AKT3: variants seen among roughly 807,000 people sequenced by gnomAD.
AKT3 encodes AKT serine/threonine kinase 3, also known as RAC-gamma serine/threonine-protein kinase.
A neutral mutation model predicts 65.3 loss-of-function variants in AKT3; 15 were observed. That is an observed-to-expected ratio of 0.23 (90% CI 0.15 to 0.35). The LOEUF (loss-of-function observed/expected upper bound fraction) is 0.35, where lower values mean the gene tolerates loss of function less well. Among genes scored for constraint, AKT3 ranks in the 10% least tolerant of loss-of-function variants. The pLI is 1.00. For synonymous variants in AKT3, 206 were observed against 183.8 expected, an observed-to-expected ratio of 1.12 and a Z score of -0.98; for missense variants, 243 against 576.5, an observed-to-expected ratio of 0.42 and a Z score of 5.92.
intron 2 of AKT3, among the ~76,000 whole-genome samples, chr1:243,715,937 G>A (rs1391519250): frequency 6.6e-6 from 1 of 152,002 alleles, no homozygotes; most frequent in African/African-American, 2.4e-5. Flanking sequence ...AATAATGATG[G>A]CTTTGTCCAG....
At chr1:243,725,493 C>A (rs957151365) in intron 2 of AKT3, among the ~76,000 whole-genome samples, 7 of 152,150 alleles carry the variant, frequency 4.6e-5, no homozygotes, top group African/African-American at 1.7e-4. Context: ...AATAACAGAA[C>A]AGAACTCAGC....
chr1:243,620,157 T>C (rs1431073673), intron 6 of AKT3, among the ~76,000 whole-genome samples: 3 of 97,340 alleles, frequency 3.1e-5, no homozygotes, highest in African/African-American at 7.9e-5. Flanking sequence ...AGTGAATTCT[T>C]AGGAGCTCTG....
At chr1:243,613,812 G>C (rs1678076384) in intron 7 of AKT3, 73 bp from the exon 8 acceptor site, 3 of 888,682 alleles carry the variant, frequency 3.4e-6, no homozygotes, top group Non-Finnish European at 4.9e-6. Context: ...ACTAAAAATA[G>C]AACACATAGA....
At chr1:243,616,663 GA>G (rs1678348970) in intron 6 of AKT3, among the ~76,000 whole-genome samples, 1 of 152,102 alleles carries the variant, frequency 6.6e-6, no homozygotes, top group Non-Finnish European at 1.5e-5. Flanking sequence ...AGAAAGACAT[GA>G]AAAGCAAAAC....
At chr1:243,748,784 A>C (rs1688629835) in intron 2 of AKT3, among the ~76,000 whole-genome samples, 1 of 152,180 alleles carries the variant, frequency 6.6e-6, no homozygotes, top group African/African-American at 2.4e-5. Context: ...ATTGATCTGC[A>C]TAGGCTATTA....
At chr1:243,807,120 G>A (rs1043682851) in intron 2 of AKT3, among the ~76,000 whole-genome samples, 2 of 152,150 alleles carry the variant, frequency 1.3e-5, no homozygotes, top group African/African-American at 4.8e-5. Context: ...CACAGAAGAC[G>A]GGTGATTTCT....
At chr1:243,571,130 A>G (rs1234379290) in intron 9 of AKT3, among the ~76,000 whole-genome samples, 2 of 152,186 alleles carry the variant, frequency 1.3e-5, no homozygotes, top group Non-Finnish European at 2.9e-5. Context: ...TATCCTGGCC[A>G]ACTCCGTGAA....
At chr1:243,691,623 A>C (rs944355482) in intron 3 of AKT3, among the ~76,000 whole-genome samples, 2 of 152,220 alleles carry the variant, frequency 1.3e-5, no homozygotes, top group African/African-American at 2.4e-5. Context: ...GGAGAAAAAA[A>C]AGGCATGGAA....
chr1:243,641,574 C>G (rs1360058762), intron 5 of AKT3, among the ~76,000 whole-genome samples: 1 of 151,778 alleles, frequency 6.6e-6, no homozygotes, highest in East Asian at 1.9e-4. Flanking sequence ...CTGTAAAATG[C>G]TTTATGACAT....
rs74162289 is a variant in AKT3 at position 243,492,604 on chromosome 1, G to GTTT, written c.*7-4157_*7-4155dup. ...CAGGCGTGAGCCACTGCGCCCAGCT[G>GTTT]TTTTTTTTTTTTTTTTTTTTTTTGA... On this transcript the variant is annotated intron_variant, in intron 13 of 13. Coordinates refer to the AKT3 transcript ENST00000336199. 4.7e-3 allele frequency among the ~76,000 whole-genome samples: 277 copies of GTTT among 58,824 alleles called. 7 individuals are homozygous for GTTT. Among genetic ancestry groups the GTTT allele is most frequent in the African/African-American group, 0.012 (168 of 14,404 alleles). The allele number at this position is 58,824 out of a possible 152,430, so 38.6% of individuals were successfully genotyped here. A position where few individuals can be genotyped will look rare whatever the true frequency, so the allele number is the denominator to read the frequency against.
rs74652382 is a variant in AKT3, at chr1:243,769,548, C to T, written c.46+73577G>A. ...TTTGCACTTCTCTGATGGCTAATGA[C>T]GTTGAGCATCTTTTCATGTATTATT... On this transcript the variant is annotated intron_variant, in intron 2 of 13. Transcript: ENST00000673466. 5.1e-3 allele frequency among the ~76,000 whole-genome samples: 783 copies of T among 152,226 alleles called. 9 individuals are homozygous for T. Among genetic ancestry groups the T allele is most frequent in the African/African-American group, 0.018 (741 of 41,540 alleles).
At chr1:243,643,502 T>A (rs1478005848) in intron 5 of AKT3, among the ~76,000 whole-genome samples, 1 of 152,266 alleles carries the variant, frequency 6.6e-6, no homozygotes, top group Non-Finnish European at 1.5e-5. Flanking sequence ...CAAATTCCTC[T>A]GAAACGCTAT....
At chr1:243,512,923 CTGA>C (rs926409613) in intron 12 of AKT3, among the ~76,000 whole-genome samples, 2 of 152,188 alleles carry the variant, frequency 1.3e-5, no homozygotes, top group Non-Finnish European at 2.9e-5. Context: ...TAAGAATTTG[CTGA>C]TAAGAGATGG....
intron 2 of AKT3, among the ~76,000 whole-genome samples, chr1:243,742,350 G>C (rs1558770044): frequency 1.3e-5 from 2 of 152,206 alleles, no homozygotes; most frequent in Admixed American, 1.3e-4. Flanking sequence ...CAGAGGTCAG[G>C]CATGGTGGTT....
At chr1:243,509,357 A>C (rs1669877718) in intron 13 of AKT3, among the ~76,000 whole-genome samples, 1 of 152,184 alleles carries the variant, frequency 6.6e-6, no homozygotes, top group African/African-American at 2.4e-5. Context: ...AATGCACACT[A>C]ATGACAAATT....
intron 2 of AKT3, among the ~76,000 whole-genome samples, chr1:243,811,767 A>G (rs1693174452): frequency 1.3e-5 from 2 of 152,222 alleles, no homozygotes; most frequent in Non-Finnish European, 2.9e-5. Context: ...CCTGTCTTCA[A>G]ATTATACTAC....
At chr1:243,696,309 C>G (rs144326294) in intron 2 of AKT3, among the ~76,000 whole-genome samples, 1 of 151,836 alleles carries the variant, frequency 6.6e-6, no homozygotes, top group Non-Finnish European at 1.5e-5. Flanking sequence ...TTCAACGATA[C>G]GCAAACTCAC....
intron 4 of AKT3, among the ~76,000 whole-genome samples, chr1:243,662,563 G>C (rs1682446045): frequency 2.5e-5 from 3 of 120,480 alleles, no homozygotes. Flanking sequence ...TTGTGGGGTG[G>C]GGGGAGGGGG....
intron 2 of AKT3, among the ~76,000 whole-genome samples, chr1:243,755,132 A>G (rs1022351376): frequency 6.6e-6 from 1 of 152,070 alleles, no homozygotes; most frequent in Non-Finnish European, 1.5e-5. Context: ...GCAGTGGCAC[A>G]ATCTTGGCTC....
Sources: gnomAD v4.1 joint callset for allele counts (sites outside exome capture counted in the v4.1 genomes callset) on GRCh38, gnomAD v4.1.1 for gene constraint, MANE v1.5 for transcripts, NCBI Gene and HGNC (gene_info 2026-07-23, HGNC 2026-07-21) for gene names.